Variants in TMTC1 observed in about 807,000 individuals in gnomAD.
TMTC1 encodes the protein protein O-mannosyl-transferase TMTC1.
Under a neutral mutation model 104.8 loss-of-function variants are expected in TMTC1, and 73 were observed. The observed-to-expected ratio is 0.70, with a 90% CI of 0.58 to 0.85. The LOEUF (loss-of-function observed/expected upper bound fraction) is 0.85, where lower values mean the gene tolerates loss of function less well. Among genes scored for constraint, TMTC1 ranks in the 40% least tolerant of loss-of-function variants. The pLI, the probability that TMTC1 is intolerant of heterozygous loss-of-function variation, is 0.00. For missense variants in TMTC1, 1,035 were observed against 1,096.1 expected, an observed-to-expected ratio of 0.94 and a Z score of 0.79; for synonymous variants, 434 against 428.7, an observed-to-expected ratio of 1.01 and a Z score of -0.15.
intron 5 of TMTC1, among the ~76,000 whole-genome samples, chr12:29,737,012 A>G (rs1942694723): frequency 6.6e-6 from 1 of 152,256 alleles, no homozygotes; most frequent in Non-Finnish European, 1.5e-5. Context: ...CGCAACAGCT[A>G]GTTCACTGCT....
Position 29,604,171 on chromosome 12 carries a change from T to C in TMTC1, c.1250+7A>G. On this transcript the variant is annotated splice_region_variant and intron_variant, in intron 7 of 17. Coordinates refer to ENST00000539277, the MANE Select transcript of TMTC1 (RefSeq NM_001193451.2). ...TCTTGTAGGAGGAAGTCACGTGCAA[T>C]AGTTACCTAGGCATGTAAAGGACTC... is the stretch of plus-strand genomic sequence containing the variant. The C allele has an allele frequency of 1.2e-6, 2 of 1,613,282 alleles. No individual in the cohort carries two copies. Among genetic ancestry groups the C allele is most frequent in the Non-Finnish European group, 1.7e-6 (2 of 1,179,504 alleles).
intron 5 of TMTC1, among the ~76,000 whole-genome samples, chr12:29,709,164 T>C (rs1328391063): frequency 1.3e-5 from 2 of 152,188 alleles, no homozygotes; most frequent in Non-Finnish European, 2.9e-5. Context: ...TAAGAGGCAA[T>C]TAAATTTCAA....
chr12:29,616,684 A>C (rs1445541177), intron 6 of TMTC1, among the ~76,000 whole-genome samples: 2 of 151,982 alleles, frequency 1.3e-5, no homozygotes, highest in Admixed American at 6.6e-5. Flanking sequence ...AAAAAAAAAA[A>C]AAAAAACATT....
chr12:29,737,478 C>T (rs553880623), intron 5 of TMTC1, among the ~76,000 whole-genome samples: 301 of 152,190 alleles, frequency 2.0e-3, no homozygotes, highest in African/African-American at 6.9e-3. Context: ...CGCGCCATTG[C>T]ACTCCAGCCT....
intron 6 of TMTC1, among the ~76,000 whole-genome samples, chr12:29,629,234 T>C (rs1938169364): frequency 1.3e-5 from 2 of 151,082 alleles, no homozygotes. Flanking sequence ...GGCAAGAGAA[T>C]GGCGTGAACC....
intron 10 of TMTC1, among the ~76,000 whole-genome samples, chr12:29,542,790 G>T (rs1296125663): frequency 6.6e-6 from 1 of 152,052 alleles, no homozygotes; most frequent in African/African-American, 2.4e-5. Flanking sequence ...TTTGCCCCAT[G>T]AAAGATACTC....
At chr12:29,715,213 T>G (rs1942042679) in intron 5 of TMTC1, among the ~76,000 whole-genome samples, 1 of 152,192 alleles carries the variant, frequency 6.6e-6, no homozygotes, top group Non-Finnish European at 1.5e-5. Flanking sequence ...CACTGAAAGA[T>G]CATTAAAAAT....
intron 5 of TMTC1, among the ~76,000 whole-genome samples, chr12:29,698,004 G>A (rs1158507047): frequency 6.6e-6 from 1 of 152,158 alleles, no homozygotes; most frequent in Admixed American, 6.5e-5. Flanking sequence ...GAGTACTCTT[G>A]TATGATTATT....
At chr12:29,646,520 G>A (rs995801631) in intron 5 of TMTC1, among the ~76,000 whole-genome samples, 31 of 152,156 alleles carry the variant, frequency 2.0e-4, no homozygotes, top group African/African-American at 6.0e-4. Flanking sequence ...ATATCAGTAA[G>A]TGATCCAGAT....
intron 5 of TMTC1, among the ~76,000 whole-genome samples, chr12:29,689,930 C>T (rs1941215084): frequency 6.6e-6 from 1 of 152,162 alleles, no homozygotes; most frequent in South Asian, 2.1e-4. Context: ...CTGATTATTA[C>T]AAGGTAGATC....
intron 6 of TMTC1, among the ~76,000 whole-genome samples, chr12:29,623,442 A>G (rs1253192422): frequency 6.6e-6 from 1 of 152,248 alleles, no homozygotes; most frequent in Non-Finnish European, 1.5e-5. Flanking sequence ...AGCAAGAAGA[A>G]GGTTTTTGGT....
chr12:29,758,725 A>G lies in TMTC1; in HGVS notation c.533T>C (p.Leu178Ser). Residue 178 changes from leucine to serine, a missense_variant, in exon 3 of 18, where the codon TTG (leucine) becomes TCG (serine). Physicochemically the swap from Leu to Ser is moderately radical, Grantham distance 145. Transcript: ENST00000539277. The stretch of plus-strand genomic sequence containing the variant: ...ATACCTGTTGTACGAGAGAAAGGCC[A>G]ATAGAAACAGCAGACACGCTAACAC... ...ADVLACLLFL[L>S]AFLSYNRSLD... The G allele has an allele frequency of 6.2e-7, 1 of 1,613,948 alleles. No homozygotes were observed. Among genetic ancestry groups the G allele is most frequent in the Non-Finnish European group, 8.5e-7 (1 of 1,179,922 alleles).
At chr12:29,597,026 T>C (rs1487132342) in intron 7 of TMTC1, among the ~76,000 whole-genome samples, 1 of 152,156 alleles carries the variant, frequency 6.6e-6, no homozygotes, top group Non-Finnish European at 1.5e-5. Context: ...TGACTTTCTG[T>C]GTACAGGCTA....
At chr12:29,722,513 A>C (rs1340186387) in intron 5 of TMTC1, among the ~76,000 whole-genome samples, 2 of 152,240 alleles carry the variant, frequency 1.3e-5, no homozygotes, top group African/African-American at 4.8e-5. Flanking sequence ...AGATGGAACC[A>C]TAGGCAAAAA....
intron 5 of TMTC1, among the ~76,000 whole-genome samples, chr12:29,734,295 T>C (rs941806626): frequency 5.9e-5 from 9 of 152,234 alleles, no homozygotes; most frequent in African/African-American, 2.2e-4. Context: ...TGAGTTTGCC[T>C]GTCTCTAATA....
At chr12:29,570,937 T>G (rs1447356847) in intron 9 of TMTC1, among the ~76,000 whole-genome samples, 4 of 146,382 alleles carry the variant, frequency 2.7e-5, no homozygotes, top group African/African-American at 1.0e-4. Flanking sequence ...CTGCCATATT[T>G]GCCATATTAA....
At chr12:29,699,459 A>G (rs1941517663) in intron 5 of TMTC1, among the ~76,000 whole-genome samples, 1 of 152,222 alleles carries the variant, frequency 6.6e-6, no homozygotes. Flanking sequence ...TGAAGGCACA[A>G]AATATCTTCT....
chr12:29,598,605 T>G (rs2136381528), intron 7 of TMTC1, among the ~76,000 whole-genome samples: 1 of 152,362 alleles, frequency 6.6e-6, no homozygotes, highest in South Asian at 2.1e-4. Context: ...GAATTTTATT[T>G]CTTCCATTTC....
At chr12:29,668,588 G>A (rs1008681346) in intron 5 of TMTC1, among the ~76,000 whole-genome samples, 1 of 148,862 alleles carries the variant, frequency 6.7e-6, no homozygotes, top group Non-Finnish European at 1.5e-5. Context: ...AGCCCCTCTA[G>A]TAGCTGGGAT....
Sources: allele counts gnomAD v4.1 joint callset (sites outside exome capture counted in the v4.1 genomes callset), GRCh38; gene constraint gnomAD v4.1.1; transcripts MANE v1.5; gene names NCBI Gene and HGNC (gene_info 2026-07-23, HGNC 2026-07-21).